SORL1: variants seen among roughly 807,000 people sequenced by gnomAD.
SORL1 encodes the protein sortilin related receptor 1.
A neutral mutation model predicts 273.7 loss-of-function variants in SORL1; 127 were observed. That is an observed-to-expected ratio of 0.46 (90% CI 0.40 to 0.54). SORL1 has a LOEUF of 0.54. SORL1 is among the 20% of genes least tolerant of loss of function. The pLI, the probability that SORL1 is intolerant of heterozygous loss-of-function variation, is 0.00. For missense variants in SORL1, 2,494 were observed against 2,846.1 expected (o/e 0.88, Z 2.81); for synonymous variants, 1,031 against 1,067.4 (o/e 0.97, Z 0.66).
chr11:121,476,618 A>G (rs993504946), intron 2 of SORL1, among the ~76,000 whole-genome samples: 1 of 152,074 alleles, frequency 6.6e-6, no homozygotes, highest in Non-Finnish European at 1.5e-5. Context: ...AACCCTCAAA[A>G]CATGTTTGCT....
chr11:121,495,220 C>T (rs1861610867), intron 5 of SORL1, among the ~76,000 whole-genome samples: 1 of 152,180 alleles, frequency 6.6e-6, no homozygotes, highest in African/African-American at 2.4e-5. Flanking sequence ...GCTGGGGCTA[C>T]AGGTGTACGC....
intron 6 of SORL1, among the ~76,000 whole-genome samples, chr11:121,499,442 A>T (rs1861678786): frequency 6.6e-6 from 1 of 152,204 alleles, no homozygotes; most frequent in East Asian, 1.9e-4. Context: ...TGCAGGGCTC[A>T]AATGCACTTT....
At chr11:121,519,341 A>T (rs149936628) in intron 8 of SORL1, among the ~76,000 whole-genome samples, 1 of 151,486 alleles carries the variant, frequency 6.6e-6, no homozygotes, top group South Asian at 2.1e-4. Context: ...GCGCAAAACC[A>T]CTTCCCTGTG....
intron 5 of SORL1, among the ~76,000 whole-genome samples, chr11:121,493,167 A>G (rs1861580947): frequency 6.6e-6 from 1 of 152,120 alleles, no homozygotes; most frequent in Admixed American, 6.6e-5. Context: ...TTTTGTAGAA[A>G]GGAGGTCTCC....
intron 14 of SORL1, among the ~76,000 whole-genome samples, chr11:121,549,475 C>T (rs11218335): frequency 0.26 from 39,100 of 152,096 alleles, 6,151 homozygotes; most frequent in Middle Eastern, 0.38. Context: ...AATATGTCTG[C>T]CTTGGCCTCC....
Position 121,550,667 on chromosome 11 carries a change from G to A in SORL1, c.2263G>A (p.Ala755Thr), listed in dbSNP as rs1862494921. 1 of 1,612,230 alleles carries A rather than the reference G, an allele frequency of 6.2e-7. No individual in the cohort carries two copies. Residue 755 changes from alanine (A) to threonine (T), a missense_variant, in exon 16 of 48, where the codon GCA (alanine) becomes ACA (threonine). Physicochemically the swap from Ala to Thr is moderately conservative, Grantham distance 58 (BLOSUM62 0). Transcript: ENST00000260197. The surrounding 1 kb of genome is among the most constrained non-coding windows in gnomAD (Gnocchi z 5.3). The stretch of plus-strand genomic sequence containing the variant: ...AGGAGAGCTGGTCCCCTGTCCCCTG[G>A]CAGGTAAGAGAGGTGGTTTCTTCCC... ...LEGELVPCPL[A>T]EENEFILYAV...
intron 12 of SORL1, among the ~76,000 whole-genome samples, chr11:121,539,325 C>G (rs1330974113): frequency 1.3e-5 from 2 of 152,228 alleles, no homozygotes; most frequent in African/African-American, 4.8e-5. Flanking sequence ...GCCTTGACCT[C>G]CTTTTCGTCT....
Position 121,496,925 on chromosome 11 carries a change from C to T in SORL1, c.815C>T (p.Ser272Phe), listed in dbSNP as rs760753929. 1 of 1,613,922 alleles carries T rather than the reference C, an allele frequency of 6.2e-7. No homozygotes were observed. The highest frequency in any genetic ancestry group is 8.5e-7 in the Non-Finnish European group (1 of 1,179,924). ...NTIYIERHEPSGYSTVFRSTD... is the reference protein window; with the variant it reads ...NTIYIERHEPFGYSTVFRSTD... ...ATCTACATTGAACGACATGAACCCT[C>T]TGGCTACTCCACTGTCTTCCGAAGT... The change falls in exon 6 of 48, where the codon TCT becomes TTT. Residue 272 changes from serine (S) to phenylalanine (F), a missense_variant. Coordinates refer to ENST00000260197, the MANE Select transcript of SORL1 (RefSeq NM_003105.6).
chr11:121,558,282 T>G (rs1292709651), intron 19 of SORL1, among the ~76,000 whole-genome samples: 1 of 152,242 alleles, frequency 6.6e-6, no homozygotes, highest in Non-Finnish European at 1.5e-5. Context: ...TTCACAGTAT[T>G]CTATTATATG....
intron 13 of SORL1, 101 bp downstream of exon 13, chr11:121,543,827 C>T (rs750862607): frequency 4.4e-6 from 5 of 1,146,422 alleles, no homozygotes; most frequent in Non-Finnish European, 6.1e-6. Flanking sequence ...AAGAGCCTGA[C>T]ATTCATTGGG....
chr11:121,578,146 C>T (rs551079774), intron 25 of SORL1, among the ~76,000 whole-genome samples: 58 of 152,296 alleles, frequency 3.8e-4, no homozygotes, highest in African/African-American at 1.3e-3. Flanking sequence ...AGTAAATTTG[C>T]TCTACAGCCT....
chr11:121,617,143 A>G (rs1326207518), intron 41 of SORL1, among the ~76,000 whole-genome samples: 1 of 152,220 alleles, frequency 6.6e-6, no homozygotes, highest in South Asian at 2.1e-4. Flanking sequence ...GGGGAAATAG[A>G]TGACAGATGT....
intron 3 of SORL1, among the ~76,000 whole-genome samples, chr11:121,486,640 C>T (rs1056653268): frequency 2.0e-5 from 3 of 151,938 alleles, no homozygotes; most frequent in South Asian, 4.2e-4. Context: ...CCACCATGCC[C>T]GGCTAATTTT....
intron 6 of SORL1, among the ~76,000 whole-genome samples, chr11:121,499,186 C>G (rs1437777603): frequency 1.3e-5 from 2 of 152,094 alleles, no homozygotes; most frequent in Non-Finnish European, 2.9e-5. Context: ...ATTTTTGGTA[C>G]TTTTATAGGC....
chr11:121,571,161 A>C (rs928724103), intron 23 of SORL1, among the ~76,000 whole-genome samples: 3 of 152,238 alleles, frequency 2.0e-5, no homozygotes, highest in Admixed American at 1.3e-4. Flanking sequence ...CGGAAGTGTC[A>C]TATGCATGTA....
chr11:121,564,637 C>T (rs1038814929), intron 21 of SORL1, among the ~76,000 whole-genome samples: 15 of 152,008 alleles, frequency 9.9e-5, no homozygotes, highest in African/African-American at 2.9e-4. Context: ...AGTGCAGTGG[C>T]GCCATCTCAG....
chr11:121,496,740 C>G (rs139983734), intron 5 of SORL1, 129 bp from the exon 6 acceptor site: 2 of 709,300 alleles, frequency 2.8e-6, no homozygotes, highest in Non-Finnish European at 4.6e-6. Flanking sequence ...GTTTGAGGCA[C>G]AGAGAGTATG....
intron 22 of SORL1, among the ~76,000 whole-genome samples, chr11:121,567,436 C>T (rs1206810471): frequency 6.6e-6 from 1 of 152,210 alleles, no homozygotes; most frequent in Non-Finnish European, 1.5e-5. Context: ...TTCTTCCTCT[C>T]CTCACCCATC....
rs2276412 is a variant in SORL1 at position 121,590,137 on chromosome 11, C to T, written c.4176C>T (p.Asn1392=). 0.027 allele frequency: 44,031 copies of T among 1,614,016 alleles called. 1,801 individuals are homozygous for T. Among genetic ancestry groups the T allele is most frequent in the African/African-American group, 0.19 (14,263 of 74,964 alleles). The change falls in exon 30 of 48, where the codon AAC becomes AAT. Residue 1392 remains asparagine (N), a synonymous_variant. Coordinates refer to ENST00000260197, the MANE Select transcript of SORL1 (RefSeq NM_003105.6). ...ACAGATGGAAATGTGACAGGGAGAA[C>T]GACTGTGGGGACTGGTCTGATGAGA... ...IPNRWKCDRE[N]DCGDWSDEKD...
Sources: allele counts gnomAD v4.1 joint callset (sites outside exome capture counted in the v4.1 genomes callset), GRCh38; gene constraint gnomAD v4.1.1; non-coding constraint Gnocchi (gnomAD v3.1); transcripts MANE v1.5; gene names NCBI Gene and HGNC (gene_info 2026-07-23, HGNC 2026-07-21).